ADISSP: variants seen among roughly 807,000 people sequenced by gnomAD.
ADISSP encodes the protein adipose-secreted signaling protein.
chr20:3,756,492 C>T, the ADISSP span, among the ~76,000 whole-genome samples: 69 of 152,176 alleles, frequency 4.5e-4, no homozygotes, highest in African/African-American at 1.6e-3. Context: ...CTTGCATGGG[C>T]ACACAGAGTC....
the ADISSP span, among the ~76,000 whole-genome samples, chr20:3,762,258 C>G: frequency 1.3e-5 from 2 of 149,116 alleles, no homozygotes; most frequent in Non-Finnish European, 3.0e-5. Context: ...GGTGACACAG[C>G]GAGACTCTGT....
chr20:3,760,152 G>A, the ADISSP span: 1 of 1,463,236 alleles, frequency 6.8e-7, no homozygotes, highest in South Asian at 1.1e-5. Context: ...CTCACGCTCA[G>A]CAGCCTCCCA....
chr20:3,754,438 G>A, the ADISSP span: 5 of 1,613,894 alleles, frequency 3.1e-6, no homozygotes, highest in East Asian at 2.2e-5. Context: ...ACAGGTGCCA[G>A]TGCCACCTTC....
the ADISSP span, among the ~76,000 whole-genome samples, chr20:3,755,069 A>C: frequency 6.6e-6 from 1 of 152,282 alleles, no homozygotes; most frequent in East Asian, 1.9e-4. Context: ...CCTGATAGGA[A>C]CAGCAGCCTG....
the ADISSP span, among the ~76,000 whole-genome samples, chr20:3,761,583 A>G: frequency 1.3e-5 from 2 of 152,128 alleles, no homozygotes; most frequent in Non-Finnish European, 2.9e-5. Flanking sequence ...CAATCCGCTC[A>G]CTTCGGCCTC....
At chr20:3,754,132 G>A in the ADISSP span, 4 of 1,613,006 alleles carry the variant, frequency 2.5e-6, no homozygotes, top group Non-Finnish European at 8.5e-7. Flanking sequence ...ACACCATCCA[G>A]CAGCATGGGC....
chr20:3,759,961 G>C, the ADISSP span: 1 of 1,427,956 alleles, frequency 7.0e-7, no homozygotes, highest in South Asian at 1.2e-5. The surrounding 1 kb of genome is among the most constrained non-coding windows in gnomAD (Gnocchi z 4.6). Flanking sequence ...CAGCACACAC[G>C]CACTCACACA....
chr20:3,755,758 G>A, the ADISSP span: 2 of 576,160 alleles, frequency 3.5e-6, no homozygotes, highest in Admixed American at 3.5e-5. Flanking sequence ...CCAGCTGATC[G>A]ACCCCCAGCC....
the ADISSP span, among the ~76,000 whole-genome samples, chr20:3,759,090 A>C: frequency 2.0e-5 from 3 of 152,120 alleles, no homozygotes; most frequent in Admixed American, 2.0e-4. This position sits in a 1 kb window ranked among gnomAD's most constrained non-coding sequence, Gnocchi z 4.6. Context: ...CCTACCCCTA[A>C]GCTGTGTCAG....
At chr20:3,757,369 A>C in the ADISSP span, among the ~76,000 whole-genome samples, 3 of 152,158 alleles carry the variant, frequency 2.0e-5, no homozygotes, top group Admixed American at 6.5e-5. Context: ...AAAAGCTGAA[A>C]TAACACACAT....
At chr20:3,762,227 G>A in the ADISSP span, among the ~76,000 whole-genome samples, 36,264 of 151,262 alleles carry the variant, frequency 0.24, 4,601 homozygotes, top group African/African-American at 0.3. Context: ...AGCCAAGATC[G>A]CGCCACGGCA....
chr20:3,760,142 C>A, the ADISSP span: 4 of 1,522,478 alleles, frequency 2.6e-6, no homozygotes, highest in Non-Finnish European at 3.6e-6. Context: ...GACACCGCCA[C>A]TCACGCTCAG....
At chr20:3,760,188 T>TTGCGGGGTGCACCCCGG in the ADISSP span, 3 of 1,154,406 alleles carry the variant, frequency 2.6e-6, no homozygotes, top group Middle Eastern at 2.3e-4. Flanking sequence ...AGCGGGAGCC[T>TTGCGGGGTGCACCCCGG]GAAGGATAGG....
At chr20:3,755,448 C>G in the ADISSP span, 1 of 1,601,626 alleles carries the variant, frequency 6.2e-7, no homozygotes, top group Admixed American at 1.7e-5. Flanking sequence ...CATCCAGGCC[C>G]TGCTGGAGGA....
chr20:3,763,472 G>A, the ADISSP span, among the ~76,000 whole-genome samples: 114 of 149,582 alleles, frequency 7.6e-4, no homozygotes, highest in Non-Finnish European at 1.4e-3. Flanking sequence ...CAGGAGAATC[G>A]CTTGAACCCA....
At chr20:3,759,177 T>C in the ADISSP span, among the ~76,000 whole-genome samples, 2 of 152,152 alleles carry the variant, frequency 1.3e-5, no homozygotes, top group Admixed American at 1.3e-4. The surrounding 1 kb of genome is among the most constrained non-coding windows in gnomAD (Gnocchi z 4.6). Flanking sequence ...CTGGGGGATC[T>C]GCCTGGGGTG....
At chr20:3,754,000 C>CG in the ADISSP span, 4 of 1,324,386 alleles carry the variant, frequency 3.0e-6, no homozygotes, top group South Asian at 1.2e-5. Context: ...CGCAGCATGT[C>CG]GGGGGGACAA....
chr20:3,758,796 C>G, the ADISSP span: 1 of 969,392 alleles, frequency 1.0e-6, no homozygotes, highest in Non-Finnish European at 1.5e-6. This position sits in a 1 kb window ranked among gnomAD's most constrained non-coding sequence, Gnocchi z 5.5. Flanking sequence ...ACTGGCTGGG[C>G]TCTTTTCAGG....
chr20:3,759,629 A>G, the ADISSP span, among the ~76,000 whole-genome samples: 2 of 151,950 alleles, frequency 1.3e-5, no homozygotes, highest in South Asian at 2.1e-4. The surrounding 1 kb of genome is among the most constrained non-coding windows in gnomAD (Gnocchi z 4.6). Flanking sequence ...CACATCCACA[A>G]TCCCTGGTGA....
Sources: allele counts gnomAD v4.1 joint callset (sites outside exome capture counted in the v4.1 genomes callset), GRCh38; gene constraint gnomAD v4.1.1; non-coding constraint Gnocchi (gnomAD v3.1); transcripts MANE v1.5; gene names NCBI Gene and HGNC (gene_info 2026-07-23, HGNC 2026-07-21).